Variants in MYO18B observed in about 807,000 individuals in gnomAD.
MYO18B encodes unconventional myosin-XVIIIb.
Under a neutral mutation model 273.0 loss-of-function variants are expected in MYO18B, and 204 were observed. The observed-to-expected ratio is 0.75, with a 90% CI of 0.67 to 0.84. MYO18B has a LOEUF of 0.84. Among genes scored for constraint, MYO18B ranks in the 40% least tolerant of loss-of-function variants. The pLI is 0.00. For missense variants in MYO18B, 3,212 were observed against 3,287.6 expected, an observed-to-expected ratio of 0.98 and a Z score of 0.56; for synonymous variants, 1,330 against 1,305.7, an observed-to-expected ratio of 1.02 and a Z score of -0.40.
At chr22:25,764,658 G>C (rs1474155727) in intron 3 of MYO18B, among the ~76,000 whole-genome samples, 1 of 152,236 alleles carries the variant, frequency 6.6e-6, no homozygotes. Context: ...TCTTTGTTGG[G>C]GAGGTTGACA....
chr22:25,769,543 G>T, intron 4 of MYO18B, 115 bp downstream of exon 4: 2 of 970,824 alleles, frequency 2.1e-6, no homozygotes, highest in South Asian at 1.8e-5. Flanking sequence ...GGTGGGCAGG[G>T]AATTGGAGAG....
At chr22:25,805,178 T>G (rs2088412045) in intron 12 of MYO18B, among the ~76,000 whole-genome samples, 1 of 152,142 alleles carries the variant, frequency 6.6e-6, no homozygotes, top group Admixed American at 6.5e-5. Context: ...CGTTGTGATT[T>G]AGCACATGGC....
chr22:25,903,291 C>A, intron 30 of MYO18B: 1 of 262,816 alleles, frequency 3.8e-6, no homozygotes, highest in Non-Finnish European at 7.3e-6. Context: ...TCAATCCCAG[C>A]CTCAGACGGC....
intron 32 of MYO18B, among the ~76,000 whole-genome samples, chr22:25,908,943 A>G (rs2092102746): frequency 6.6e-6 from 1 of 152,138 alleles, no homozygotes; most frequent in African/African-American, 2.4e-5. Context: ...CAGAGATATC[A>G]TTTTCACTAA....
At chr22:25,942,398 C>A (rs1430230360) in intron 34 of MYO18B, among the ~76,000 whole-genome samples, 1 of 152,270 alleles carries the variant, frequency 6.6e-6, no homozygotes, top group Admixed American at 6.5e-5. Context: ...TCTCCTGATG[C>A]TGCCTAAGAG....
chr22:25,842,647 G>A (rs555612500), intron 17 of MYO18B, among the ~76,000 whole-genome samples: 24 of 148,162 alleles, frequency 1.6e-4, no homozygotes, highest in Middle Eastern at 3.4e-3. Flanking sequence ...ACTCCAGCCT[G>A]GGTGACAAGA....
intron 21 of MYO18B, among the ~76,000 whole-genome samples, chr22:25,856,213 G>GT (rs1426654761): frequency 6.6e-6 from 1 of 152,036 alleles, no homozygotes; most frequent in Non-Finnish European, 1.5e-5. Context: ...TTCTTGTTTT[G>GT]TTTTTTTGAT....
chr22:25,797,906 C>T lies in MYO18B; in HGVS notation c.2377-47C>T, dbSNP rs1365027626. ...GCTTCAAGTTGTGAGCTTGTGTTTT[C>T]TCCATCGCGATGGCCTTGTTTTCTT... On this transcript the variant is annotated intron_variant, in intron 11 of 43. Coordinates refer to ENST00000335473, the MANE Select transcript of MYO18B (RefSeq NM_032608.7). 5.0e-6 allele frequency: 8 copies of T among 1,613,560 alleles called. No individual in the cohort carries two copies. In the South Asian group the frequency reaches 7.7e-5, roughly 16 times the overall value.
At chr22:25,867,351 A>T (rs1284312852) in intron 21 of MYO18B, among the ~76,000 whole-genome samples, 1 of 152,090 alleles carries the variant, frequency 6.6e-6, no homozygotes, top group Non-Finnish European at 1.5e-5. Context: ...TACTCTAAGT[A>T]CCTCCTTTAT....
At chr22:26,052,950 C>G in the MYO18B span, among the ~76,000 whole-genome samples, 3 of 151,758 alleles carry the variant, frequency 2.0e-5, no homozygotes, top group Non-Finnish European at 2.9e-5. Context: ...CTACAGGCGC[C>G]TGCCACCACG....
intron 12 of MYO18B, among the ~76,000 whole-genome samples, chr22:25,802,731 C>T (rs190627328): frequency 0.038 from 5,034 of 132,358 alleles, 114 homozygotes; most frequent in Middle Eastern, 0.1. Flanking sequence ...CCAGCCTGGG[C>T]GACAGAGCAA....
intron 22 of MYO18B, among the ~76,000 whole-genome samples, chr22:25,869,989 C>T (rs556688267): frequency 5.9e-4 from 90 of 152,304 alleles, no homozygotes; most frequent in Non-Finnish European, 1.1e-3. Flanking sequence ...GGCAACTTCA[C>T]GTTTTGTTCT....
intron 39 of MYO18B, among the ~76,000 whole-genome samples, chr22:25,988,689 C>T (rs574276256): frequency 6.6e-6 from 1 of 152,290 alleles, no homozygotes; most frequent in East Asian, 1.9e-4. Flanking sequence ...CTGGGGATGA[C>T]ACTGTTCTTC....
intron 1 of MYO18B, among the ~76,000 whole-genome samples, chr22:25,749,852 A>C (rs2085884246): frequency 6.6e-6 from 1 of 152,228 alleles, no homozygotes; most frequent in African/African-American, 2.4e-5. Context: ...TAGGGGCAGG[A>C]TGCAATGGTA....
In MYO18B at chr22:26,021,311, C is replaced by T. The variant is rs182092459; in HGVS notation, c.6471-5134C>T. Among the ~76,000 whole-genome samples, 115 of 152,286 alleles carry T rather than the reference C, an allele frequency of 7.6e-4. 1 individual carries two copies. The East Asian group carries it at 0.019, about 25-fold the overall frequency. ...GCATTTTCATATAAATACCCTTATTCATCAGTTCATTTAATCAGTCCAGTA... is the reference window on the plus strand; with the variant it reads ...GCATTTTCATATAAATACCCTTATTTATCAGTTCATTTAATCAGTCCAGTA... On this transcript the variant is annotated intron_variant, in intron 42 of 43. Coordinates refer to ENST00000335473, the MANE Select transcript of MYO18B (RefSeq NM_032608.7).
chr22:25,759,014 A>G (rs539169283), intron 1 of MYO18B, among the ~76,000 whole-genome samples: 98 of 152,222 alleles, frequency 6.4e-4, no homozygotes, highest in African/African-American at 2.3e-3. Context: ...TTGGCCTCCC[A>G]AAGTACTGGG....
intron 34 of MYO18B, among the ~76,000 whole-genome samples, chr22:25,930,667 T>C (rs1286588317): frequency 6.6e-6 from 1 of 151,838 alleles, no homozygotes; most frequent in East Asian, 2.0e-4. Flanking sequence ...AGAGACAAAG[T>C]TTCTCTGTGT....
At chr22:25,758,138 C>G (rs751565469) in intron 1 of MYO18B, among the ~76,000 whole-genome samples, 4 of 152,078 alleles carry the variant, frequency 2.6e-5, no homozygotes, top group African/African-American at 7.2e-5. Flanking sequence ...ATCAGCATCC[C>G]GAATAGCTGG....
chr22:25,870,853 T>TTA (rs1257256936), intron 22 of MYO18B, among the ~76,000 whole-genome samples: 1 of 152,184 alleles, frequency 6.6e-6, no homozygotes, highest in African/African-American at 2.4e-5. Context: ...AATGACTCAG[T>TTA]TATGTCATAA....
Sources: allele counts gnomAD v4.1 joint callset (sites outside exome capture counted in the v4.1 genomes callset), GRCh38; gene constraint gnomAD v4.1.1; transcripts MANE v1.5; gene names NCBI Gene and HGNC (gene_info 2026-07-23, HGNC 2026-07-21).